Variants in ZNF141 observed in about 807,000 individuals in gnomAD.
The protein encoded by ZNF141 is zinc finger protein 141 (clone pHZ-44).
ZNF141 carries 7 observed loss-of-function variants against 11.3 expected under a neutral mutation model. The ratio of observed to expected loss-of-function variants is 0.62; its 90% CI spans 0.35 to 1.16. The LOEUF (loss-of-function observed/expected upper bound fraction) is 1.16. Ranked by LOEUF, ZNF141 falls within the 50% of genes most tolerant of loss-of-function variation. The pLI is 0.02. For synonymous variants in ZNF141, 183 were observed against 190.7 expected (o/e 0.96, Z 0.33); for missense variants, 535 against 554.0 (o/e 0.97, Z 0.34).
Position 376,446 on chromosome 4 carries a change from G to A in ZNF141, c.*2584G>A, listed in dbSNP as rs1341348330. Among the ~76,000 whole-genome samples the A allele has an allele frequency of 2.6e-5, 4 of 151,812 alleles. No individual in the cohort carries two copies. Among genetic ancestry groups the A allele is most frequent in the African/African-American group, 9.7e-5 (4 of 41,330 alleles). ...TCATCACCTCAAGCATTCATCCTTT[G>A]TATTACACACAATCCAATTATACAC... On this transcript the variant is annotated 3_prime_UTR_variant, in exon 4 of 4. Coordinates refer to ENST00000240499, the MANE Select transcript of ZNF141 (RefSeq NM_003441.4).
chr4:361,338 G>A (rs772156237), intron 3 of ZNF141, among the ~76,000 whole-genome samples: 12 of 148,362 alleles, frequency 8.1e-5, no homozygotes, highest in Non-Finnish European at 4.5e-5. Context: ...TTTTTTTAAC[G>A]GAATGATCTC....
In ZNF141 at chr4:377,255, A is replaced by G. The variant is rs1553854791; in HGVS notation, c.*3393A>G. On this transcript the variant is annotated 3_prime_UTR_variant, in exon 4 of 4. Coordinates refer to ENST00000240499, the MANE Select transcript of ZNF141 (RefSeq NM_003441.4). ...ATGTTTTGATCTATTATTGTAGTGAACAAACAAAGTTCTGGGTGTGTAATA... is the reference window on the plus strand; with the variant it reads ...ATGTTTTGATCTATTATTGTAGTGAGCAAACAAAGTTCTGGGTGTGTAATA... 6.6e-6 allele frequency among the ~76,000 whole-genome samples: 1 copy of G among 152,118 alleles called. No homozygotes were observed. The highest frequency in any genetic ancestry group is 2.4e-5 in the African/African-American group (1 of 41,434).
intron 3 of ZNF141, among the ~76,000 whole-genome samples, chr4:368,838 G>T (rs1711880653): frequency 6.6e-6 from 1 of 152,146 alleles, no homozygotes; most frequent in Non-Finnish European, 1.5e-5. Flanking sequence ...TTTGAAGATT[G>T]TTGAGTGCTT....
Position 375,549 on chromosome 4 carries a change from A to G in ZNF141, c.*1687A>G, listed in dbSNP as rs868912602. Among the ~76,000 whole-genome samples, 10 of 152,190 alleles carry G rather than the reference A, an allele frequency of 6.6e-5. No homozygotes were observed. In the South Asian group the frequency reaches 1.4e-3, roughly 22 times the overall value. ...CAGTAGAAAGAACTAAGGAACTAAC[A>G]CTTTAGACACTGCAGTAAATCAGAG... On this transcript the variant is annotated 3_prime_UTR_variant, in exon 4 of 4. Transcript: ENST00000240499.
At chr4:338,278 CGTGGGAGGAGCT>C (rs1553847899) in intron 1 of ZNF141, 4 of 389,670 alleles carry the variant, frequency 1.0e-5, no homozygotes, top group Non-Finnish European at 1.9e-5. Flanking sequence ...GCGATGCCGG[CGTGGGAGGAGCT>C]GTGGGAGAAG....
chr4:354,312 A>G (rs1357496671), intron 3 of ZNF141, among the ~76,000 whole-genome samples: 2 of 152,226 alleles, frequency 1.3e-5, no homozygotes, highest in Non-Finnish European at 2.9e-5. Flanking sequence ...CAGCATGCCC[A>G]AGGTCACCCT....
Position 377,709 on chromosome 4 carries a change from GTGTT to G in ZNF141, c.*3851_*3854del, listed in dbSNP as rs59180205. Among the ~76,000 whole-genome samples, 25,065 of 151,976 alleles carry G rather than the reference GTGTT, an allele frequency of 0.16. 2,772 individuals carry two copies. The highest frequency in any genetic ancestry group is 0.32 in the African/African-American group (13,170 of 41,380). On this transcript the variant is annotated 3_prime_UTR_variant, in exon 4 of 4. Transcript: ENST00000240499. Reference sequence around the variant, plus strand: ...TTAAGTCAGTTGGCATTGTTTTTCTGTGTTTGTAAAAGAAAAATTGTATGAGATT... The same window carrying G: ...TTAAGTCAGTTGGCATTGTTTTTCTGTGTAAAAGAAAAATTGTATGAGATT...
Position 375,372 on chromosome 4 carries a change from G to A in ZNF141, c.*1510G>A, listed in dbSNP as rs1553854424. ...CTTCAACATCAGAAAATTTATATTG[G>A]AGAGAAATCCTACAAATGTAATAAA... On this transcript the variant is annotated 3_prime_UTR_variant, in exon 4 of 4. Transcript: ENST00000240499. 6.6e-6 allele frequency: 1 copy of A among 152,016 alleles called. No individual in the cohort carries two copies. Among genetic ancestry groups the A allele is most frequent in the Non-Finnish European group, 1.5e-5 (1 of 67,924 alleles). The allele number at this position is 152,016 out of a possible 1,614,324, so 9.4% of individuals were successfully genotyped here. A position where few individuals can be genotyped will look rare whatever the true frequency, so the allele number is the denominator to read the frequency against.
At chr4:344,846 A>G (rs1553849284) in intron 3 of ZNF141, among the ~76,000 whole-genome samples, 1 of 152,194 alleles carries the variant, frequency 6.6e-6, no homozygotes, top group Admixed American at 6.5e-5. Context: ...GCTCTGCTCC[A>G]GTGAAAATAA....
intron 3 of ZNF141, among the ~76,000 whole-genome samples, chr4:371,393 A>G (rs115011523): frequency 0.014 from 2,148 of 150,300 alleles, 54 homozygotes; most frequent in African/African-American, 0.049. Context: ...CACCATGCCC[A>G]GCACATTTTT....
chr4:357,005 A>G (rs782358094), intron 3 of ZNF141, among the ~76,000 whole-genome samples: 15 of 152,062 alleles, frequency 9.9e-5, no homozygotes, highest in Non-Finnish European at 1.0e-4. Flanking sequence ...CTCAGGCTAT[A>G]GTTCAGTGGT....
intron 3 of ZNF141, among the ~76,000 whole-genome samples, chr4:345,088 T>C (rs568789524): frequency 6.6e-6 from 1 of 152,318 alleles, no homozygotes; most frequent in South Asian, 2.1e-4. Flanking sequence ...CAAAGTATTT[T>C]TTTCAAGTAT....
At chr4:372,034 A>T (rs782188074) in intron 3 of ZNF141, among the ~76,000 whole-genome samples, 1 of 152,184 alleles carries the variant, frequency 6.6e-6, no homozygotes, top group Non-Finnish European at 1.5e-5. Flanking sequence ...TGTTCTAAGG[A>T]TGTGTCCTCT....
rs140948682 is a variant in ZNF141, at chr4:373,531, G to A, written c.1094G>A (p.Arg365Gln). 2.1e-5 allele frequency: 33 copies of A among 1,608,410 alleles called. No homozygotes were observed. Among genetic ancestry groups the A allele is most frequent in the Middle Eastern group, 3.3e-4 (2 of 6,046 alleles). ...CATAAGAAAGTTCATACTGGAGAGC[G>A]GCCCTACAAATGTGATGAATGTGGC... ...NEHKKVHTGE[R>Q]PYKCDECGKA... The change falls in exon 4 of 4, where the codon CGG becomes CAG. Residue 365 changes from arginine to glutamine, a missense_variant. Coordinates refer to ENST00000240499, the MANE Select transcript of ZNF141 (RefSeq NM_003441.4).
chr4:354,272 T>TC (rs72598753), intron 3 of ZNF141, among the ~76,000 whole-genome samples: 2 of 151,972 alleles, frequency 1.3e-5, no homozygotes, highest in African/African-American at 4.8e-5. Flanking sequence ...TTCTGCATTT[T>TC]CCCCCCACAG....
In ZNF141 at chr4:379,220, C is replaced by T. The variant is rs976679086; in HGVS notation, c.*5358C>T. ...TTTGGGACCTTTAGCATCACTTGCCCTTTTAGTGTCTTACATATGTATGAT... is the reference window on the plus strand; with the variant it reads ...TTTGGGACCTTTAGCATCACTTGCCTTTTTAGTGTCTTACATATGTATGAT... On this transcript the variant is annotated 3_prime_UTR_variant, in exon 4 of 4. Coordinates refer to ENST00000240499, the MANE Select transcript of ZNF141 (RefSeq NM_003441.4). Among the ~76,000 whole-genome samples the T allele has an allele frequency of 6.6e-6, 1 of 151,984 alleles. No homozygotes were observed. Among genetic ancestry groups the T allele is most frequent in the Admixed American group, 6.6e-5 (1 of 15,258 alleles).
rs1457033461 is a variant in ZNF141 at position 373,024 on chromosome 4, A to G, written c.587A>G (p.Glu196Gly). Residue 196 changes from glutamate to glycine, a missense_variant, in exon 4 of 4, where the codon GAG becomes GGG. Physicochemically the swap from Glu to Gly is moderately conservative, Grantham distance 98 (BLOSUM62 -2). Coordinates refer to ENST00000240499, the MANE Select transcript of ZNF141 (RefSeq NM_003441.4). ...CAACATAAGGTAATTCATGCTGGAG[A>G]GAAACCCTACACTTGTGAAGAATGT... ...LTQHKVIHAG[E>G]KPYTCEECGK... The G allele has an allele frequency of 1.2e-6, 2 of 1,614,060 alleles. No individual in the cohort carries two copies. The highest frequency in any genetic ancestry group is 3.3e-5 in the Admixed American group (2 of 60,010).
chr4:353,548 C>T (rs782234440), intron 3 of ZNF141, among the ~76,000 whole-genome samples: 1 of 150,952 alleles, frequency 6.6e-6, no homozygotes. Flanking sequence ...GCAACCTCCA[C>T]CTCCTGAATT....
chr4:342,780 G>C, intron 1 of ZNF141: 1 of 1,542,038 alleles, frequency 6.5e-7, no homozygotes, highest in African/African-American at 1.4e-5. Context: ...TGTTGTCCCA[G>C]ATTTATTGAA....
Sources: allele counts gnomAD v4.1 joint callset (sites outside exome capture counted in the v4.1 genomes callset), GRCh38; gene constraint gnomAD v4.1.1; transcripts MANE v1.5; gene names NCBI Gene and HGNC (gene_info 2026-07-23, HGNC 2026-07-21).